The following KATNA1 variants were observed in gnomAD, a reference collection of about 807,000 sequenced individuals.
KATNA1 encodes the protein katanin p60 ATPase-containing subunit A1.
KATNA1 carries 42 observed loss-of-function variants against 62.6 expected under a neutral mutation model. The observed-to-expected ratio is 0.67, with a 90% CI of 0.52 to 0.87. The LOEUF (loss-of-function observed/expected upper bound fraction) is 0.87, where lower values mean the gene tolerates loss of function less well. Ranked by LOEUF, KATNA1 falls within the 40% of genes least tolerant of loss-of-function variation. The probability of loss-of-function intolerance (pLI) is 0.00; values close to 1 mark genes in which losing one functional copy is unlikely to be tolerated. For missense variants in KATNA1, 498 were observed against 612.5 expected (o/e 0.81, Z 1.97); for synonymous variants, 186 against 201.9 (o/e 0.92, Z 0.67).
chr6:149,594,920 TTAAA>T lies in KATNA1; in HGVS notation c.*112_*115del, dbSNP rs1778237909. 1 of 785,366 alleles carries T rather than the reference TTAAA, an allele frequency of 1.3e-6. No individual in the cohort carries two copies. The allele number at this position is 785,366 out of a possible 1,614,324, so 48.6% of individuals were successfully genotyped here. A position where few individuals can be genotyped will look rare whatever the true frequency, so the allele number is the denominator to read the frequency against. On this transcript the variant is annotated 3_prime_UTR_variant, in exon 11 of 11. Coordinates refer to ENST00000367411, the MANE Select transcript of KATNA1 (RefSeq NM_007044.4). The stretch of plus-strand genomic sequence containing the variant: ...TTTATTCAGAATCATAAGGGTTTTT[TTAAA>T]AAAATCTTACCATTATGAAAGTTAA...
At chr6:149,612,482 C>A (rs1167820964) in intron 4 of KATNA1, among the ~76,000 whole-genome samples, 1 of 152,126 alleles carries the variant, frequency 6.6e-6, no homozygotes, top group Non-Finnish European at 1.5e-5. Flanking sequence ...GCACTCCAGC[C>A]TGGGTGACAG....
chr6:149,636,294 G>T (rs565862737), intron 2 of KATNA1, among the ~76,000 whole-genome samples: 1 of 151,764 alleles, frequency 6.6e-6, no homozygotes, highest in African/African-American at 2.4e-5. Flanking sequence ...TTACTAGGCC[G>T]AGCATGGTGA....
At chr6:149,612,470 C>G (rs186614475) in intron 4 of KATNA1, among the ~76,000 whole-genome samples, 200 of 152,270 alleles carry the variant, frequency 1.3e-3, no homozygotes, top group African/African-American at 4.5e-3. Context: ...GATCGCGCCA[C>G]TGCACTCCAG....
intron 4 of KATNA1, among the ~76,000 whole-genome samples, chr6:149,613,041 G>A (rs9498383): frequency 0.44 from 66,453 of 150,428 alleles, 15,734 homozygotes; most frequent in East Asian, 0.81. Flanking sequence ...TTAGCTGGGT[G>A]TGGTGGCGGG....
At chr6:149,617,759 A>AC (rs1444596810) in intron 4 of KATNA1, among the ~76,000 whole-genome samples, 2 of 151,938 alleles carry the variant, frequency 1.3e-5, no homozygotes, top group Non-Finnish European at 2.9e-5. Flanking sequence ...ATATGGTGAA[A>AC]CCCCGTCTCT....
chr6:149,641,351 T>C (rs1395625686), intron 1 of KATNA1, among the ~76,000 whole-genome samples: 1 of 151,752 alleles, frequency 6.6e-6, no homozygotes, highest in African/African-American at 2.4e-5. Flanking sequence ...TAATTTTTTG[T>C]ATTTTTAGTA....
chr6:149,595,350 A>G, intron 10 of KATNA1, 116 bp from the exon 11 acceptor site: 1 of 676,280 alleles, frequency 1.5e-6, no homozygotes, highest in Non-Finnish European at 2.5e-6. Context: ...ATTATATTAC[A>G]TATATATGTA....
At chr6:149,614,608 C>CA (rs1390257318) in intron 4 of KATNA1, among the ~76,000 whole-genome samples, 1 of 151,910 alleles carries the variant, frequency 6.6e-6, no homozygotes, top group East Asian at 1.9e-4. Flanking sequence ...CCTGTCTCTA[C>CA]AAAAAAGATG....
intron 2 of KATNA1, among the ~76,000 whole-genome samples, chr6:149,634,428 G>A (rs1228143618): frequency 6.6e-6 from 1 of 152,086 alleles, no homozygotes; most frequent in African/African-American, 2.4e-5. Flanking sequence ...TAGAGGCTGA[G>A]GTGAGAGAAT....
chr6:149,634,173 C>T (rs1447243763), intron 2 of KATNA1, among the ~76,000 whole-genome samples: 4 of 149,462 alleles, frequency 2.7e-5, no homozygotes, highest in Non-Finnish European at 5.9e-5. Context: ...CTTGGGAGGC[C>T]GAGCCACAAC....
Position 149,596,305 on chromosome 6 carries a change from C to T in KATNA1, c.1277+758G>A, listed in dbSNP as rs188597751. On this transcript the variant is annotated intron_variant, in intron 10 of 10. Coordinates refer to ENST00000367411, the MANE Select transcript of KATNA1 (RefSeq NM_007044.4). ...ATCTTAGCATTTTGGGAGGCTGAGG[C>T]AGGCGGATCACTTGAGGTCAGGAGT... 2.0e-4 allele frequency among the ~76,000 whole-genome samples: 31 copies of T among 152,276 alleles called. No homozygotes were observed. In the East Asian group the frequency reaches 5.8e-3, roughly 29 times the overall value.
At chr6:149,598,029 T>C in intron 8 of KATNA1, 195 bp downstream of exon 8, 1 of 565,782 alleles carries the variant, frequency 1.8e-6, no homozygotes, top group African/African-American at 1.9e-5. Flanking sequence ...TTCTGACTTG[T>C]CACCACTGTC....
Position 149,600,670 on chromosome 6 carries a change from C to T in KATNA1, c.888+924G>A, listed in dbSNP as rs536625551. ...TCATGTCTTGACCAGGATTGGTGAC[C>T]CATGCCTATAAATCTAGCACTTTGG... On this transcript the variant is annotated intron_variant, in intron 7 of 10. Coordinates refer to ENST00000367411, the MANE Select transcript of KATNA1 (RefSeq NM_007044.4). Among the ~76,000 whole-genome samples, 12 of 150,916 alleles carry T rather than the reference C, an allele frequency of 8.0e-5. No homozygotes were observed. In the South Asian group the frequency reaches 2.5e-3, roughly 32 times the overall value.
intron 3 of KATNA1, among the ~76,000 whole-genome samples, chr6:149,624,659 C>CGT (rs1194963928): frequency 6.6e-6 from 1 of 151,998 alleles, no homozygotes; most frequent in Non-Finnish European, 1.5e-5. Context: ...GGACTACAGG[C>CGT]GTGAGCCCCT....
intron 1 of KATNA1, among the ~76,000 whole-genome samples, chr6:149,641,270 G>A (rs1186279171): frequency 2.0e-5 from 3 of 150,434 alleles, no homozygotes; most frequent in South Asian, 2.1e-4. Context: ...TCCGCCTCCC[G>A]GGTTCATGCC....
chr6:149,605,317 T>A (rs908161677), intron 4 of KATNA1, among the ~76,000 whole-genome samples: 1 of 152,046 alleles, frequency 6.6e-6, no homozygotes, highest in African/African-American at 2.4e-5. Context: ...CTGGCTAGCA[T>A]AAAAAAATTA....
intron 2 of KATNA1, among the ~76,000 whole-genome samples, chr6:149,637,647 T>G (rs1780118835): frequency 6.6e-6 from 1 of 151,938 alleles, no homozygotes; most frequent in Non-Finnish European, 1.5e-5. Context: ...GCCAACATGG[T>G]GAAAGCCCGT....
At chr6:149,646,118 A>T (rs1306892466) in intron 1 of KATNA1, among the ~76,000 whole-genome samples, 1 of 152,170 alleles carries the variant, frequency 6.6e-6, no homozygotes, top group African/African-American at 2.4e-5. Flanking sequence ...CATTCATTCA[A>T]GAAATATTAA....
chr6:149,600,034 C>T (rs768583678), intron 7 of KATNA1, among the ~76,000 whole-genome samples: 3 of 151,712 alleles, frequency 2.0e-5, no homozygotes, highest in Non-Finnish European at 4.4e-5. Context: ...AGTTCATTAC[C>T]CTAAGGACAA....
Sources: gnomAD v4.1 joint callset for allele counts (sites outside exome capture counted in the v4.1 genomes callset) on GRCh38, gnomAD v4.1.1 for gene constraint, MANE v1.5 for transcripts, NCBI Gene and HGNC (gene_info 2026-07-23, HGNC 2026-07-21) for gene names.